The following ZFP90 variants were observed in gnomAD, a reference collection of about 807,000 sequenced individuals.
ZFP90 encodes the protein ZFP90 zinc finger protein.
Under a neutral mutation model 60.8 loss-of-function variants are expected in ZFP90, and 38 were observed. The ratio of observed to expected loss-of-function variants is 0.62; its 90% CI spans 0.48 to 0.82. ZFP90 has a LOEUF of 0.82. ZFP90 is among the 40% of genes least tolerant of loss of function. The probability of loss-of-function intolerance (pLI) is 0.00; values close to 1 mark genes in which losing one functional copy is unlikely to be tolerated. For missense variants in ZFP90, 711 were observed against 759.1 expected (o/e 0.94, Z 0.74); for synonymous variants, 287 against 264.8 (o/e 1.08, Z -0.82).
intron 2 of ZFP90, among the ~76,000 whole-genome samples, chr16:68,545,745 G>A (rs956510755): frequency 6.6e-6 from 1 of 152,316 alleles, no homozygotes; most frequent in African/African-American, 2.4e-5. Context: ...AACCTGGGAG[G>A]CGGAGCTTTT....
At chr16:68,546,832 T>C (rs2091159244) in intron 2 of ZFP90, among the ~76,000 whole-genome samples, 1 of 152,194 alleles carries the variant, frequency 6.6e-6, no homozygotes. Context: ...AGTATATCTT[T>C]TTGTGGCTGG....
At chr16:68,534,428 CTG>C (rs2090946939), upstream of ZFP90, among the ~76,000 whole-genome samples, 1 of 150,274 alleles carries the variant, frequency 6.7e-6, no homozygotes, top group Non-Finnish European at 1.5e-5. Flanking sequence ...CGGGGTTTCA[CTG>C]TGTTAGCCAG....
intron 2 of ZFP90, among the ~76,000 whole-genome samples, chr16:68,575,193 C>G (rs1341511709): frequency 6.6e-6 from 1 of 152,214 alleles, no homozygotes; most frequent in South Asian, 2.1e-4. Flanking sequence ...CAGGAGGCAC[C>G]TCATCCACTC....
intron 4 of ZFP90, among the ~76,000 whole-genome samples, chr16:68,560,862 C>T (rs1291326418): frequency 6.7e-6 from 1 of 148,272 alleles, no homozygotes; most frequent in Non-Finnish European, 1.5e-5. Context: ...CCATGCCCAG[C>T]CACTGGATTT....
chr16:68,567,628 C>T (rs2091545556), downstream of ZFP90, among the ~76,000 whole-genome samples: 1 of 152,170 alleles, frequency 6.6e-6, no homozygotes, highest in South Asian at 2.1e-4. Flanking sequence ...ACAAGGTTGA[C>T]ATGATGGTGT....
Position 68,566,326 on chromosome 16 carries a change from G to T in ZFP90, c.*1628G>T, listed in dbSNP as rs1472108050. 1.0e-6 allele frequency: 1 copy of T among 985,354 alleles called. No individual in the cohort carries two copies. The allele number at this position is 985,354 out of a possible 1,614,324, so 61.0% of individuals were successfully genotyped here. A position where few individuals can be genotyped will look rare whatever the true frequency, so the allele number is the denominator to read the frequency against. ...CATTGATTCCTTTTACACAAGAGCT[G>T]CCTCCCAAAGATAGATAAATTTTCC... is the stretch of plus-strand genomic sequence containing the variant. On this transcript the variant is annotated 3_prime_UTR_variant, in exon 5 of 5. Coordinates refer to ENST00000563169, the MANE Select transcript of ZFP90 (RefSeq NM_001305203.2).
intron 2 of ZFP90, among the ~76,000 whole-genome samples, chr16:68,543,864 T>C (rs953133485): frequency 2.8e-4 from 2 of 7,230 alleles, no homozygotes; most frequent in Non-Finnish European, 5.1e-4. Flanking sequence ...TGGCCTGCCC[T>C]TTTTTTTTTT....
intron 2 of ZFP90, among the ~76,000 whole-genome samples, chr16:68,548,126 C>T (rs2091185951): frequency 6.6e-6 from 1 of 151,950 alleles, no homozygotes; most frequent in African/African-American, 2.4e-5. Flanking sequence ...CGTGTCCGGC[C>T]CAGTTGATCA....
chr16:68,565,041 TC>T lies in ZFP90; in HGVS notation c.*345del. The T allele has an allele frequency of 3.0e-6, 3 of 1,016,330 alleles. No homozygotes were observed. Among genetic ancestry groups the T allele is most frequent in the Non-Finnish European group, 3.5e-6 (3 of 850,528 alleles). The allele number at this position is 1,016,330 out of a possible 1,614,324, so 63.0% of individuals were successfully genotyped here. A position where few individuals can be genotyped will look rare whatever the true frequency, so the allele number is the denominator to read the frequency against. On this transcript the variant is annotated 3_prime_UTR_variant, in exon 5 of 5. Transcript: ENST00000563169. ...TCAACAGCTTTTTTAAAAAGCAAAT[TC>T]CTGCAGTAATGACCAAAACCCATTT...
chr16:68,558,716 C>G (rs2091387842), intron 4 of ZFP90, 148 bp downstream of exon 4: 2 of 660,276 alleles, frequency 3.0e-6, no homozygotes, highest in Non-Finnish European at 5.2e-6. Flanking sequence ...TTGTAGGTCT[C>G]TCTTCAAAAG....
downstream of ZFP90, among the ~76,000 whole-genome samples, chr16:68,569,339 G>A (rs1293868562): frequency 1.3e-5 from 2 of 151,516 alleles, no homozygotes; most frequent in African/African-American, 2.4e-5. Flanking sequence ...GTTTCACCAT[G>A]TTGGTCAGGC....
chr16:68,539,316 G>A lies in ZFP90; in HGVS notation c.-199G>A, dbSNP rs2090990686. The A allele has an allele frequency of 6.0e-6, 1 of 165,884 alleles. No homozygotes were observed. The highest frequency in any genetic ancestry group is 2.4e-5 in the African/African-American group (1 of 42,130). The allele number at this position is 165,884 out of a possible 1,614,324, so 10.3% of individuals were successfully genotyped here. A position where few individuals can be genotyped will look rare whatever the true frequency, so the allele number is the denominator to read the frequency against. ...ACTTCCAGTTCTGCCCCACCGCTGC[G>A]GCCATTGTCCGACCCCGGTGCGGCT... is the stretch of plus-strand genomic sequence containing the variant. On this transcript the variant is annotated 5_prime_UTR_variant, in exon 1 of 5. Coordinates refer to ENST00000563169, the MANE Select transcript of ZFP90 (RefSeq NM_001305203.2).
At chr16:68,542,029 C>T (rs2091059046) in intron 2 of ZFP90, among the ~76,000 whole-genome samples, 1 of 152,116 alleles carries the variant, frequency 6.6e-6, no homozygotes, top group African/African-American at 2.4e-5. Context: ...GAACACTGGT[C>T]CTAAACGGGG....
chr16:68,540,990 C>T (rs549081648), intron 2 of ZFP90, among the ~76,000 whole-genome samples: 1 of 147,192 alleles, frequency 6.8e-6, no homozygotes, highest in Non-Finnish European at 1.5e-5. Context: ...CTCACTGCAA[C>T]CTCTGCCATG....
chr16:68,538,499 C>G (rs550251943), upstream of ZFP90, among the ~76,000 whole-genome samples: 3 of 152,084 alleles, frequency 2.0e-5, no homozygotes, highest in South Asian at 6.2e-4. Flanking sequence ...GAGGCGAGTT[C>G]GAGACCAGCA....
upstream of ZFP90, among the ~76,000 whole-genome samples, chr16:68,536,960 A>C (rs1304144857): frequency 6.6e-6 from 1 of 151,962 alleles, no homozygotes; most frequent in Non-Finnish European, 1.5e-5. Context: ...TACCTGCCCT[A>C]CCTCTGCTCT....
At chr16:68,534,390 G>A (rs1421540269), upstream of ZFP90, among the ~76,000 whole-genome samples, 7 of 150,730 alleles carry the variant, frequency 4.6e-5, no homozygotes, top group Admixed American at 1.3e-4. Context: ...CACCACACCC[G>A]GCCAATGTTT....
At chr16:68,560,341 A>ATT (rs1417878394) in intron 4 of ZFP90, among the ~76,000 whole-genome samples, 1 of 152,194 alleles carries the variant, frequency 6.6e-6, no homozygotes, top group South Asian at 2.1e-4. Context: ...ATTTCTATGG[A>ATT]TTTGTATATC....
At chr16:68,543,558 C>T (rs898746799) in intron 2 of ZFP90, among the ~76,000 whole-genome samples, 34 of 82,204 alleles carry the variant, frequency 4.1e-4, no homozygotes, top group African/African-American at 2.0e-3. Context: ...CCTTATTTGC[C>T]TTTTTTTCTT....
Sources: allele counts gnomAD v4.1 joint callset (sites outside exome capture counted in the v4.1 genomes callset), GRCh38; gene constraint gnomAD v4.1.1; transcripts MANE v1.5; gene names NCBI Gene and HGNC (gene_info 2026-07-23, HGNC 2026-07-21).